Variants in SESTD1 observed in about 807,000 individuals in gnomAD.
SESTD1 encodes SEC14 and spectrin domain containing 1.
A neutral mutation model predicts 101.7 loss-of-function variants in SESTD1; 43 were observed. The observed-to-expected ratio is 0.42, with a 90% confidence interval of 0.33 to 0.55. The LOEUF (loss-of-function observed/expected upper bound fraction) is 0.55. SESTD1 is among the 20% of genes least tolerant of loss of function. The pLI, the probability that SESTD1 is intolerant of heterozygous loss-of-function variation, is 0.07. For synonymous variants in SESTD1, 283 were observed against 286.8 expected (o/e 0.99, Z 0.13); for missense variants, 647 against 815.1 (o/e 0.79, Z 2.51).
At chr2:179,161,388 A>G (rs1022559286) in intron 5 of SESTD1, among the ~76,000 whole-genome samples, 2 of 152,218 alleles carry the variant, frequency 1.3e-5, no homozygotes, top group Non-Finnish European at 1.5e-5. Context: ...TTTTAAGATT[A>G]CACATACATC....
chr2:179,105,065 T>C lies in SESTD1; in HGVS notation c.*4834A>G, dbSNP rs998110789. 7.2e-5 allele frequency: 11 copies of C among 152,178 alleles called. No homozygotes were observed. The highest frequency in any genetic ancestry group is 2.7e-4 in the African/African-American group (11 of 41,430). The allele number at this position is 152,178 out of a possible 1,614,324, so 9.4% of individuals were successfully genotyped here. A position where few individuals can be genotyped will look rare whatever the true frequency, so the allele number is the denominator to read the frequency against. ...GAGTGTCCTTAGTTCTATGCCTCTA[T>C]TACAGTATCAGTCGGCCATTTTCTG... On this transcript the variant is annotated 3_prime_UTR_variant, in exon 18 of 18. Transcript: ENST00000428443.
chr2:179,259,801 C>T (rs760724153), intron 1 of SESTD1, among the ~76,000 whole-genome samples: 1 of 152,138 alleles, frequency 6.6e-6, no homozygotes, highest in South Asian at 2.1e-4. Context: ...TTCATAACTG[C>T]CCTATAAGTG....
intron 1 of SESTD1, among the ~76,000 whole-genome samples, chr2:179,234,751 A>T (rs1252435807): frequency 6.6e-6 from 1 of 152,210 alleles, no homozygotes; most frequent in Non-Finnish European, 1.5e-5. Flanking sequence ...TCATGAGGAA[A>T]TAGCAGACAA....
chr2:179,254,892 T>G (rs2047369699), intron 1 of SESTD1, among the ~76,000 whole-genome samples: 1 of 152,200 alleles, frequency 6.6e-6, no homozygotes, highest in African/African-American at 2.4e-5. Context: ...ACAGCATGTG[T>G]TCATTTTGTG....
At position 179,123,814 on chromosome 2, in the gene SESTD1, C is replaced by G. The variant is rs867618351; in HGVS notation, c.1183G>C (p.Asp395His). The change falls in exon 12 of 18, where the codon GAT becomes CAT. Residue 395 changes from aspartate to histidine, a missense_variant. Asp to His is a moderately conservative substitution (Grantham distance 81). Transcript: ENST00000428443. ...ACGCACAACATCCCTAATAAGCCAT[C>G]CAACTGCTGAGACAACTAAAGCAGA... Reference protein sequence around the residue: ...GVAQDLSQQLDGLLGMLCVDV... With the variant: ...GVAQDLSQQLHGLLGMLCVDV... 1 of 1,613,818 alleles carries G rather than the reference C, an allele frequency of 6.2e-7. No homozygotes were observed. The highest frequency in any genetic ancestry group is 1.7e-5 in the Admixed American group (1 of 60,016).
chr2:179,144,691 C>G (rs2045356566), intron 8 of SESTD1, among the ~76,000 whole-genome samples: 1 of 151,912 alleles, frequency 6.6e-6, no homozygotes, highest in Non-Finnish European at 1.5e-5. Context: ...AGCAACTGAA[C>G]TTTTATTATG....
chr2:179,173,032 T>C (rs1456698365), intron 4 of SESTD1, among the ~76,000 whole-genome samples: 1 of 152,176 alleles, frequency 6.6e-6, no homozygotes, highest in African/African-American at 2.4e-5. Context: ...CAGGCCCCTG[T>C]TGGCCTCTCA....
chr2:179,217,898 C>G (rs184473511), intron 1 of SESTD1, among the ~76,000 whole-genome samples: 1 of 151,960 alleles, frequency 6.6e-6, no homozygotes, highest in East Asian at 1.9e-4. Context: ...CCAAACACCA[C>G]ATGTTCTCAC....
At chr2:179,129,274 C>T (rs895638706) in intron 10 of SESTD1, among the ~76,000 whole-genome samples, 2 of 152,190 alleles carry the variant, frequency 1.3e-5, no homozygotes, top group Non-Finnish European at 2.9e-5. Flanking sequence ...CTATCACACA[C>T]GCTTTTCCTA....
At chr2:179,247,146 T>C (rs1334044211) in intron 1 of SESTD1, among the ~76,000 whole-genome samples, 1 of 152,082 alleles carries the variant, frequency 6.6e-6, no homozygotes, top group Non-Finnish European at 1.5e-5. Context: ...TTTTTCTAAT[T>C]GACAAATAAT....
At chr2:179,252,649 GT>G (rs2047335161) in intron 1 of SESTD1, among the ~76,000 whole-genome samples, 1 of 152,088 alleles carries the variant, frequency 6.6e-6, no homozygotes, top group African/African-American at 2.4e-5. Flanking sequence ...TTACCTTTTG[GT>G]TTGACTTGGT....
chr2:179,238,489 C>G (rs1171115136), intron 1 of SESTD1, among the ~76,000 whole-genome samples: 2 of 152,160 alleles, frequency 1.3e-5, no homozygotes, highest in Middle Eastern at 3.4e-3. Context: ...CAAAATTTGA[C>G]AAATACTTTG....
At chr2:179,139,661 T>C (rs2045233778) in intron 9 of SESTD1, among the ~76,000 whole-genome samples, 1 of 152,134 alleles carries the variant, frequency 6.6e-6, no homozygotes, top group Non-Finnish European at 1.5e-5. Context: ...AAAACTACTG[T>C]GCCAGTTGGT....
chr2:179,175,945 G>A (rs943511996), intron 4 of SESTD1, among the ~76,000 whole-genome samples: 11 of 152,144 alleles, frequency 7.2e-5, no homozygotes, highest in Non-Finnish European at 4.4e-5. Flanking sequence ...AGTTTCTTCT[G>A]GGCTACAAAT....
intron 13 of SESTD1, among the ~76,000 whole-genome samples, chr2:179,120,503 A>G (rs1250491591): frequency 6.6e-6 from 1 of 152,230 alleles, no homozygotes; most frequent in Non-Finnish European, 1.5e-5. Context: ...CAGTAACTTT[A>G]GCTAGTGGCC....
intron 9 of SESTD1, among the ~76,000 whole-genome samples, chr2:179,142,949 C>T (rs2045310758): frequency 6.6e-6 from 1 of 152,076 alleles, no homozygotes; most frequent in Non-Finnish European, 1.5e-5. Context: ...GTAAATGAAC[C>T]TAGATTTAAA....
intron 5 of SESTD1, 56 bp from the exon 6 acceptor site, chr2:179,151,447 A>G (rs1428975750): frequency 1.6e-6 from 2 of 1,278,874 alleles, no homozygotes; most frequent in Non-Finnish European, 1.1e-6. Flanking sequence ...AAAATCCACG[A>G]AAGTAACCAG....
intron 1 of SESTD1, among the ~76,000 whole-genome samples, chr2:179,198,823 T>A (rs2046449907): frequency 6.6e-6 from 1 of 151,992 alleles, no homozygotes; most frequent in South Asian, 2.1e-4. Flanking sequence ...GAGGGAAATT[T>A]ATAGCACTAA....
intron 2 of SESTD1, among the ~76,000 whole-genome samples, chr2:179,187,841 T>A (rs775247481): frequency 9.9e-5 from 15 of 152,030 alleles, no homozygotes; most frequent in Non-Finnish European, 1.9e-4. Context: ...AAGAAGAGCA[T>A]TACATAATAA....
Sources: gnomAD v4.1 joint callset for allele counts (sites outside exome capture counted in the v4.1 genomes callset) on GRCh38, gnomAD v4.1.1 for gene constraint, MANE v1.5 for transcripts, NCBI Gene and HGNC (gene_info 2026-07-23, HGNC 2026-07-21) for gene names.